NDRG3: variants seen among roughly 807,000 people sequenced by gnomAD.
NDRG3 encodes the protein NDRG family member 3, also known as protein NDRG3.
NDRG3 carries 23 observed loss-of-function variants against 57.2 expected under a neutral mutation model. The observed-to-expected ratio is 0.40, with a 90% CI of 0.29 to 0.57. The LOEUF is 0.57. NDRG3 is among the 20% of genes least tolerant of loss of function. The pLI is 0.42. For missense variants in NDRG3, 384 were observed against 457.3 expected, an observed-to-expected ratio of 0.84 and a Z score of 1.46; for synonymous variants, 132 against 162.6, an observed-to-expected ratio of 0.81 and a Z score of 1.43.
intron 2 of NDRG3, among the ~76,000 whole-genome samples, chr20:36,720,055 C>A (rs906137963): frequency 6.7e-6 from 1 of 149,218 alleles, no homozygotes; most frequent in Non-Finnish European, 1.5e-5. Context: ...TGCAGTGAGC[C>A]GAGATTGTAC....
rs5841239 is a variant in NDRG3 at position 36,703,421 on chromosome 20, CCTATCTAT to C, written c.93+3543_93+3550del. On this transcript the variant is annotated intron_variant, in intron 3 of 15. Transcript: ENST00000349004. ...CTCTAAATATATATATATGTAATAT[CCTATCTAT>C]CTATCTATCTATCTATCTATCTATC... Among the ~76,000 whole-genome samples, 1,072 of 146,966 alleles carry C rather than the reference CCTATCTAT, an allele frequency of 7.3e-3. 8 individuals are homozygous for C. Among genetic ancestry groups the C allele is most frequent in the African/African-American group, 0.012 (491 of 39,802 alleles).
chr20:36,683,233 G>C (rs1981473683), intron 6 of NDRG3, among the ~76,000 whole-genome samples: 1 of 152,012 alleles, frequency 6.6e-6, no homozygotes, highest in South Asian at 2.1e-4. Flanking sequence ...GACAGAGTGA[G>C]ACTCTGTCTC....
At chr20:36,682,458 T>G (rs1016792835) in intron 7 of NDRG3, 60 bp downstream of exon 7, 2 of 1,370,806 alleles carry the variant, frequency 1.5e-6, no homozygotes, top group African/African-American at 2.9e-5. Flanking sequence ...AACACAGCAG[T>G]AATAGCTGTG....
intron 8 of NDRG3, among the ~76,000 whole-genome samples, chr20:36,674,226 G>A (rs1170139002): frequency 6.6e-6 from 1 of 151,630 alleles, no homozygotes; most frequent in Non-Finnish European, 1.5e-5. Flanking sequence ...TTGAGATGGA[G>A]TCTCACTCTG....
At chr20:36,654,287 C>T (rs538614197) in intron 15 of NDRG3, among the ~76,000 whole-genome samples, 32 of 152,282 alleles carry the variant, frequency 2.1e-4, no homozygotes, top group Admixed American at 1.6e-3. Flanking sequence ...TTAACTCAGA[C>T]TCCTGTTCTG....
At chr20:36,656,312 C>G (rs779590446) in intron 15 of NDRG3, 48 bp downstream of exon 15, 27 of 1,581,112 alleles carry the variant, frequency 1.7e-5, no homozygotes, top group Non-Finnish European at 2.2e-5. Context: ...GAAACTGGCT[C>G]CCAATATTCC....
intron 2 of NDRG3, among the ~76,000 whole-genome samples, chr20:36,718,013 T>C (rs756197099): frequency 3.4e-4 from 51 of 152,220 alleles, no homozygotes; most frequent in Non-Finnish European, 5.6e-4. Context: ...TGATACTCAA[T>C]AGGAGTAAGC....
intron 2 of NDRG3, among the ~76,000 whole-genome samples, chr20:36,712,393 CTTTTTTTT>C (rs532490524): frequency 8.0e-6 from 1 of 124,302 alleles, no homozygotes; most frequent in Non-Finnish European, 1.7e-5. Flanking sequence ...TTTTCTTTTT[CTTTTTTTT>C]TTTTTTTTTC....
At chr20:36,683,667 T>TAC (rs200449279) in intron 6 of NDRG3, among the ~76,000 whole-genome samples, 4,141 of 148,188 alleles carry the variant, frequency 0.028, 241 homozygotes, top group African/African-American at 0.099. Flanking sequence ...TATATATACA[T>TAC]ATATATATAC....
intron 1 of NDRG3, among the ~76,000 whole-genome samples, chr20:36,723,886 T>C (rs1430540670): frequency 1.3e-5 from 2 of 152,052 alleles, no homozygotes; most frequent in Non-Finnish European, 1.5e-5. Context: ...TTTGTATTTT[T>C]AGTAGAGACA....
intron 9 of NDRG3, among the ~76,000 whole-genome samples, chr20:36,667,384 T>C (rs1284582707): frequency 2.0e-5 from 3 of 152,164 alleles, no homozygotes; most frequent in Non-Finnish European, 4.4e-5. Context: ...CTCAAGATCC[T>C]CCTGCCTCAG....
chr20:36,708,093 A>G (rs1367906467), intron 2 of NDRG3, among the ~76,000 whole-genome samples: 1 of 146,438 alleles, frequency 6.8e-6, no homozygotes, highest in Non-Finnish European at 1.5e-5. Context: ...CAAAAAAAGG[A>G]AAAAAAAAAA....
intron 15 of NDRG3, among the ~76,000 whole-genome samples, chr20:36,654,371 G>A (rs148441964): frequency 6.6e-6 from 1 of 152,254 alleles, no homozygotes; most frequent in African/African-American, 2.4e-5. Flanking sequence ...CCTGCCTATC[G>A]TCCTGGGCAG....
chr20:36,687,777 G>A (rs1417028579), intron 4 of NDRG3, among the ~76,000 whole-genome samples, 165 bp from the exon 5 acceptor site: 1 of 152,160 alleles, frequency 6.6e-6, no homozygotes, highest in Non-Finnish European at 1.5e-5. Flanking sequence ...CCTAAAGGCT[G>A]AATATAAGAC....
chr20:36,674,723 G>C (rs1980504929), intron 8 of NDRG3, among the ~76,000 whole-genome samples: 1 of 148,960 alleles, frequency 6.7e-6, no homozygotes, highest in African/African-American at 2.5e-5. Context: ...TCAGCCTCCC[G>C]AGTAGCTGGG....
chr20:36,668,207 A>C (rs1979803566), intron 9 of NDRG3, among the ~76,000 whole-genome samples: 1 of 152,318 alleles, frequency 6.6e-6, no homozygotes, highest in East Asian at 1.9e-4. Flanking sequence ...GCACCACTGC[A>C]CTCCAGCCAG....
Position 36,716,360 on chromosome 20 carries a change from C to A in NDRG3, c.57+5319G>T, listed in dbSNP as rs1157788079. Reference sequence around the variant, plus strand: ...CCAGCCTGGCCAACATGGCAAAACCCCATCTCTACTAAAAATACAAAAACT... The same window carrying A: ...CCAGCCTGGCCAACATGGCAAAACCACATCTCTACTAAAAATACAAAAACT... On this transcript the variant is annotated intron_variant, in intron 2 of 15. Transcript: ENST00000349004. 2.6e-5 allele frequency among the ~76,000 whole-genome samples: 4 copies of A among 151,942 alleles called. No individual in the cohort carries two copies. The South Asian group carries it at 8.3e-4, about 32-fold the overall frequency.
chr20:36,707,926 A>AAC (rs1555803885), intron 2 of NDRG3, among the ~76,000 whole-genome samples: 1 of 151,828 alleles, frequency 6.6e-6, no homozygotes, highest in Non-Finnish European at 1.5e-5. Context: ...TCTACTAAAA[A>AAC]TACAAAAATT....
intron 13 of NDRG3, among the ~76,000 whole-genome samples, chr20:36,659,910 T>A (rs188802941): frequency 3.6e-4 from 55 of 151,408 alleles, no homozygotes; most frequent in Non-Finnish European, 6.9e-4. Flanking sequence ...AAAGGATTAT[T>A]TTAAAAAGAG....
Sources: allele counts gnomAD v4.1 joint callset (sites outside exome capture counted in the v4.1 genomes callset), GRCh38; gene constraint gnomAD v4.1.1; transcripts MANE v1.5; gene names NCBI Gene and HGNC (gene_info 2026-07-23, HGNC 2026-07-21).